The following ZXDC variants were observed in gnomAD, a reference collection of about 807,000 sequenced individuals.
The protein encoded by ZXDC is ZXD family zinc finger C, also known as zinc finger protein ZXDC.
A neutral mutation model predicts 63.6 loss-of-function variants in ZXDC; 58 were observed. The ratio of observed to expected loss-of-function variants is 0.91; its 90% CI spans 0.74 to 1.13. The LOEUF (loss-of-function observed/expected upper bound fraction) is 1.13. Ranked by LOEUF, ZXDC falls within the 50% of genes most tolerant of loss-of-function variation. The pLI, the probability that ZXDC is intolerant of heterozygous loss-of-function variation, is 0.00. For missense variants in ZXDC, 1,133 were observed against 1,148.9 expected (o/e 0.99, Z 0.20); for synonymous variants, 561 against 496.1 (o/e 1.13, Z -1.74).
Position 126,439,619 on chromosome 3 carries a change from A to G in ZXDC, c.2490+13T>C, listed in dbSNP as rs1296072238. 7.7e-6 allele frequency: 12 copies of G among 1,551,964 alleles called. No individual in the cohort carries two copies. The highest frequency in any genetic ancestry group is 1.0e-5 in the Non-Finnish European group (12 of 1,147,204). ...CTCAATAAGAAAAACAAAGGGCAGT[A>G]AGGCATCCAGACCTGGAGGACGTAG... On this transcript the variant is annotated intron_variant, in intron 9 of 9. Coordinates refer to ENST00000389709, the MANE Select transcript of ZXDC (RefSeq NM_025112.5).
Position 126,461,992 on chromosome 3 carries a change from T to C in ZXDC, c.1670A>G (p.Asn557Ser). 1 of 1,613,974 alleles carries C rather than the reference T, an allele frequency of 6.2e-7. No individual in the cohort carries two copies. Among genetic ancestry groups the C allele is most frequent in the Non-Finnish European group, 8.5e-7 (1 of 1,179,984 alleles). The change falls in exon 6 of 10, where the codon AAT (asparagine) becomes AGT (serine). Residue 557 changes from asparagine (N) to serine (S), a missense_variant. Transcript: ENST00000389709. ...GGGTTCCATCGGCCCTAGGGAGCTA[T>C]TATTAGCAGGGAGGTTCCCTCCCAG... ...SSLGGNLPAN[N>S]SSLGPMEPLV...
chr3:126,455,931 C>T (rs1374493761), intron 7 of ZXDC, among the ~76,000 whole-genome samples: 4 of 151,444 alleles, frequency 2.6e-5, no homozygotes, highest in Admixed American at 6.6e-5. Context: ...ACCTGGGAGG[C>T]GGAGCTTGCA....
chr3:126,444,876 G>C (rs1206362898), intron 7 of ZXDC, among the ~76,000 whole-genome samples: 1 of 152,196 alleles, frequency 6.6e-6, no homozygotes, highest in Admixed American at 6.5e-5. Flanking sequence ...AATGTTGCTA[G>C]ACATGGTTAC....
chr3:126,442,751 TG>T (rs1933731591), intron 7 of ZXDC: 1 of 152,226 alleles, frequency 6.6e-6, no homozygotes, highest in Non-Finnish European at 1.5e-5. Flanking sequence ...GCACTGTCAC[TG>T]CTCTGCCCAC....
In ZXDC at chr3:126,455,026, T is replaced by C. The variant is rs1388922277; in HGVS notation, c.2212+4627A>G. The C allele has an allele frequency of 4.1e-6, 4 of 985,314 alleles. No individual in the cohort carries two copies. The African/African-American group carries it at 7.0e-5, about 17-fold the overall frequency. 61.0% of individuals were successfully genotyped at this position (985,314 alleles called of 1,614,324 possible). On this transcript the variant is annotated intron_variant, in intron 7 of 9. Coordinates refer to ENST00000389709, the MANE Select transcript of ZXDC (RefSeq NM_025112.5). ...CCTAACCACATGCACAACAGCGAAG[T>C]CTTGACTGTTTCTAAATGACCCGAT...
intron 4 of ZXDC, 59 bp downstream of exon 4, chr3:126,470,836 C>T (rs1189167245): frequency 1.9e-6 from 3 of 1,592,440 alleles, no homozygotes; most frequent in East Asian, 4.5e-5. Flanking sequence ...GGAAACTTAA[C>T]AGGATAAATG....
At position 126,472,071 on chromosome 3, in the gene ZXDC, T is replaced by C; in HGVS notation, c.1061-20A>G. ...TTTCACCTTATAAAAGAAAAAATTA[T>C]ACAGCATAAAATTTACAACTCCAAC... On this transcript the variant is annotated intron_variant, in intron 2 of 9. Coordinates refer to ENST00000389709, the MANE Select transcript of ZXDC (RefSeq NM_025112.5). 2 of 1,610,404 alleles carry C rather than the reference T, an allele frequency of 1.2e-6. No homozygotes were observed. Among genetic ancestry groups the C allele is most frequent in the Non-Finnish European group, 1.7e-6 (2 of 1,178,906 alleles).
At chr3:126,460,314 A>T (rs1164475576) in intron 6 of ZXDC, among the ~76,000 whole-genome samples, 1 of 152,274 alleles carries the variant, frequency 6.6e-6, no homozygotes, top group African/African-American at 2.4e-5. Flanking sequence ...TTCCTAAGAA[A>T]GACAGTTTAA....
rs1239623677 is a variant in ZXDC, at chr3:126,475,798, G to A, written c.68C>T (p.Pro23Leu). Residue 23 changes from proline (P) to leucine (L), a missense_variant, in exon 1 of 10, where the codon CCG becomes CTG. Transcript: ENST00000389709. The part of the protein sequence containing the change: ...RGGQHGGGPG[P>L]LRRAPAPLGA... ...GAGCGGCGCTGGGGCTCGGCGGAGC[G>A]GGCCGGGGCCGCCGCCATGTTGCCC... 1 of 1,091,406 alleles carries A rather than the reference G, an allele frequency of 9.2e-7. No individual in the cohort carries two copies. Among genetic ancestry groups the A allele is most frequent in the African/African-American group, 1.7e-5 (1 of 59,436 alleles). The allele number at this position is 1,091,406 out of a possible 1,614,324, so 67.6% of individuals were successfully genotyped here. A position where few individuals can be genotyped will look rare whatever the true frequency, so the allele number is the denominator to read the frequency against.
chr3:126,474,992 C>T lies in ZXDC; in HGVS notation c.874G>A (p.Glu292Lys). The change falls in exon 1 of 10, where the codon GAG becomes AAG. Residue 292 changes from glutamate (E) to lysine (K), a missense_variant. Glu to Lys is a moderately conservative substitution (Grantham distance 56). Coordinates refer to ENST00000389709, the MANE Select transcript of ZXDC (RefSeq NM_025112.5). ...KLSSHQRSHF[E>K]PERPYKCDFP... is the part of the protein sequence containing the mutation. ...TCACACTTGTAAGGGCGCTCGGGCT[C>T]GAAGTGGCTGCGCTGGTGGGAGCTG... The T allele has an allele frequency of 6.3e-7, 1 of 1,593,812 alleles. No homozygotes were observed. The highest frequency in any genetic ancestry group is 8.5e-7 in the Non-Finnish European group (1 of 1,170,648).
intron 1 of ZXDC, among the ~76,000 whole-genome samples, chr3:126,474,110 G>C (rs1935085799): frequency 6.7e-6 from 1 of 149,746 alleles, no homozygotes; most frequent in African/African-American, 2.5e-5. Context: ...TGTCGCCCCG[G>C]CTGGAATGCA....
intron 7 of ZXDC, among the ~76,000 whole-genome samples, chr3:126,444,455 C>A (rs1933804340): frequency 6.6e-6 from 1 of 151,876 alleles, no homozygotes; most frequent in Non-Finnish European, 1.5e-5. Context: ...TGGCATGAAC[C>A]CAGGAGGCAG....
At chr3:126,464,265 A>T (rs1203207438) in intron 5 of ZXDC, among the ~76,000 whole-genome samples, 1 of 152,222 alleles carries the variant, frequency 6.6e-6, no homozygotes, top group African/African-American at 2.4e-5. Flanking sequence ...GCATCTGGCA[A>T]AACAGTCATG....
intron 8 of ZXDC, chr3:126,439,976 A>G: frequency 7.3e-7 from 1 of 1,373,366 alleles, no homozygotes; most frequent in Non-Finnish European, 9.3e-7. Flanking sequence ...TCTGCTCTCC[A>G]GCTCCTCCCC....
chr3:126,474,841 C>A, intron 1 of ZXDC, 118 bp downstream of exon 1: 1 of 1,222,934 alleles, frequency 8.2e-7, no homozygotes. Flanking sequence ...ATACAAATCC[C>A]GAAGAGCCTG....
intron 3 of ZXDC, among the ~76,000 whole-genome samples, chr3:126,471,613 T>C (rs1447994002): frequency 6.6e-6 from 1 of 152,058 alleles, no homozygotes; most frequent in Non-Finnish European, 1.5e-5. Flanking sequence ...AAGTGCTGAG[T>C]GTCACCTGGA....
chr3:126,457,033 CCAT>C (rs983702847), intron 7 of ZXDC, among the ~76,000 whole-genome samples: 1 of 152,182 alleles, frequency 6.6e-6, no homozygotes, highest in Non-Finnish European at 1.5e-5. Flanking sequence ...AGCGATAGGC[CCAT>C]CCTCTTTGAA....
At chr3:126,469,395 C>T (rs1266261435) in intron 4 of ZXDC, among the ~76,000 whole-genome samples, 1 of 152,224 alleles carries the variant, frequency 6.6e-6, no homozygotes, top group Admixed American at 6.5e-5. Context: ...CCAAACCAAA[C>T]TCTGCTTCCT....
chr3:126,475,696 T>TC lies in ZXDC; in HGVS notation c.169dup (p.Glu57GlyfsTer198). 1 of 1,302,194 alleles carries TC rather than the reference T, an allele frequency of 7.7e-7. No homozygotes were observed. Among genetic ancestry groups the TC allele is most frequent in the Non-Finnish European group, 9.7e-7 (1 of 1,027,610 alleles). The allele number at this position is 1,302,194 out of a possible 1,614,324, so 80.7% of individuals were successfully genotyped here. On this transcript the variant is annotated frameshift_variant, in exon 1 of 10. Transcript: ENST00000389709. LOFTEE classifies it high-confidence loss of function. ...GGGCGGCGGGCTTGGCCCGGAGGCC[T>TC]CCCCGGGCCGCGCCCCGGGCCCGCC...
Sources: gnomAD v4.1 joint callset for allele counts (sites outside exome capture counted in the v4.1 genomes callset) on GRCh38, gnomAD v4.1.1 for gene constraint, MANE v1.5 for transcripts, NCBI Gene and HGNC (gene_info 2026-07-23, HGNC 2026-07-21) for gene names.